The following RPS6KC1 variants were observed in gnomAD, a reference collection of about 807,000 sequenced individuals.
RPS6KC1 encodes ribosomal protein S6 kinase C1.
In RPS6KC1, 54 loss-of-function variants were observed where a neutral mutation model predicts 103.8. That is an observed-to-expected ratio of 0.52 (90% CI 0.42 to 0.65). The LOEUF is 0.65. Among genes scored for constraint, RPS6KC1 ranks in the 30% least tolerant of loss-of-function variants. The pLI is 0.00. For missense variants in RPS6KC1, 1,151 were observed against 1,253.8 expected (o/e 0.92, Z 1.24); for synonymous variants, 439 against 438.7 (o/e 1.00, Z -0.01).
At chr1:213,228,878 G>A (rs1471121489) in intron 8 of RPS6KC1, among the ~76,000 whole-genome samples, 1 of 152,158 alleles carries the variant, frequency 6.6e-6, no homozygotes, top group African/African-American at 2.4e-5. Flanking sequence ...AAGTGCTTAG[G>A]AGGTAGAATT....
chr1:213,218,309 AC>A (rs2093725656), intron 8 of RPS6KC1, among the ~76,000 whole-genome samples: 1 of 152,158 alleles, frequency 6.6e-6, no homozygotes, highest in Admixed American at 6.5e-5. Context: ...AATCCAACTT[AC>A]AAGGGACGTG....
At chr1:213,738,837 A>AAAATAAATAAATAAAT in the RPS6KC1 span, among the ~76,000 whole-genome samples, 83 of 143,452 alleles carry the variant, frequency 5.8e-4, 1 homozygote, top group African/African-American at 2.1e-3. Context: ...TCTACTCTAA[A>AAAATAAATAAATAAAT]AAATAAATAA....
chr1:213,603,442 G>A, the RPS6KC1 span, among the ~76,000 whole-genome samples: 4 of 152,234 alleles, frequency 2.6e-5, no homozygotes, highest in African/African-American at 9.6e-5. Context: ...TGGCAGCAGA[G>A]GTGAAGTCAG....
At chr1:213,746,976 A>T in the RPS6KC1 span, among the ~76,000 whole-genome samples, 1 of 152,324 alleles carries the variant, frequency 6.6e-6, no homozygotes, top group East Asian at 1.9e-4. Context: ...TGGAGACACA[A>T]GTACAAAGTT....
chr1:213,134,023 T>G (rs6692056), intron 6 of RPS6KC1, among the ~76,000 whole-genome samples: 110,829 of 151,790 alleles, frequency 0.73, 41,305 homozygotes, highest in African/African-American at 0.88. Flanking sequence ...CTAGTTGATC[T>G]TTCAACAAGC....
the RPS6KC1 span, among the ~76,000 whole-genome samples, chr1:213,414,043 G>T: frequency 2.0e-4 from 31 of 152,164 alleles, no homozygotes; most frequent in African/African-American, 7.5e-4. Flanking sequence ...TTCCTGATGT[G>T]GTGAGACCTA....
the RPS6KC1 span, among the ~76,000 whole-genome samples, chr1:213,415,265 AT>A: frequency 1.3e-5 from 2 of 152,202 alleles, no homozygotes; most frequent in Non-Finnish European, 2.9e-5. Context: ...ACTTAATCAT[AT>A]TATTACCAAT....
At chr1:213,538,431 T>A in the RPS6KC1 span, among the ~76,000 whole-genome samples, 2 of 152,176 alleles carry the variant, frequency 1.3e-5, no homozygotes, top group Admixed American at 1.3e-4. Flanking sequence ...GCCTGTCACA[T>A]GATCCCACCT....
intron 3 of RPS6KC1, among the ~76,000 whole-genome samples, chr1:213,094,878 C>T (rs937669381): frequency 6.6e-6 from 1 of 152,220 alleles, no homozygotes; most frequent in African/African-American, 2.4e-5. Context: ...ATCAAATATC[C>T]TCATTCTGGT....
At chr1:213,643,478 T>TC in the RPS6KC1 span, among the ~76,000 whole-genome samples, 1 of 151,946 alleles carries the variant, frequency 6.6e-6, no homozygotes, top group East Asian at 1.9e-4. Flanking sequence ...TGATTTTTTT[T>TC]CATGCTTATC....
the RPS6KC1 span, among the ~76,000 whole-genome samples, chr1:213,530,416 C>T: frequency 6.6e-6 from 1 of 152,212 alleles, no homozygotes; most frequent in Non-Finnish European, 1.5e-5. Flanking sequence ...AGATCCTGTT[C>T]CTATACATGA....
chr1:213,666,153 C>T, the RPS6KC1 span, among the ~76,000 whole-genome samples: 1 of 152,068 alleles, frequency 6.6e-6, no homozygotes, highest in East Asian at 1.9e-4. Flanking sequence ...CTGGCTGGGA[C>T]CTCAAAGGAT....
chr1:213,329,905 T>C, the RPS6KC1 span, among the ~76,000 whole-genome samples: 372 of 151,902 alleles, frequency 2.4e-3, 1 homozygote, highest in Non-Finnish European at 4.2e-3. Flanking sequence ...AAGGAGCTGC[T>C]CTCTGAGCCG....
chr1:213,327,717 G>A, the RPS6KC1 span, among the ~76,000 whole-genome samples: 4 of 152,118 alleles, frequency 2.6e-5, no homozygotes, highest in East Asian at 7.7e-4. Context: ...TTTCTATTTG[G>A]GAAGAAAAAG....
the RPS6KC1 span, among the ~76,000 whole-genome samples, chr1:213,412,914 A>G: frequency 6.6e-6 from 1 of 152,196 alleles, no homozygotes. Flanking sequence ...CTCTTTCTCC[A>G]TATTCTTAAA....
At chr1:213,432,520 A>T in the RPS6KC1 span, among the ~76,000 whole-genome samples, 1 of 152,184 alleles carries the variant, frequency 6.6e-6, no homozygotes, top group South Asian at 2.1e-4. Context: ...GTACAGTTGG[A>T]TGTTTTGACA....
the RPS6KC1 span, among the ~76,000 whole-genome samples, chr1:213,736,106 C>A: frequency 3.7e-4 from 57 of 152,356 alleles, no homozygotes; most frequent in Admixed American, 5.2e-4. Context: ...TAACACAGGC[C>A]TATCAAAATG....
chr1:213,625,698 C>T, the RPS6KC1 span, among the ~76,000 whole-genome samples: 12 of 152,164 alleles, frequency 7.9e-5, no homozygotes, highest in East Asian at 5.8e-4. Flanking sequence ...TTTGTCCTTG[C>T]GATAGTTTGC....
chr1:213,354,010 C>T, the RPS6KC1 span, among the ~76,000 whole-genome samples: 1 of 152,188 alleles, frequency 6.6e-6, no homozygotes, highest in Admixed American at 6.5e-5. Context: ...CTCCCATGGA[C>T]CAAAAGAAAG....
Sources: allele counts gnomAD v4.1 joint callset (sites outside exome capture counted in the v4.1 genomes callset), GRCh38; gene constraint gnomAD v4.1.1; transcripts MANE v1.5; gene names NCBI Gene and HGNC (gene_info 2026-07-23, HGNC 2026-07-21).